DLGAP5: variants seen among roughly 807,000 people sequenced by gnomAD.
DLGAP5 encodes the protein DLG associated protein 5, also known as disks large-associated protein 5.
Under a neutral mutation model 99.6 loss-of-function variants are expected in DLGAP5, and 90 were observed. The observed-to-expected ratio is 0.90, with a 90% CI of 0.76 to 1.08. The LOEUF (loss-of-function observed/expected upper bound fraction) is 1.08. Among genes scored for constraint, DLGAP5 ranks in the 50% least tolerant of loss-of-function variants. The probability of loss-of-function intolerance (pLI) is 0.00; values close to 1 mark genes in which losing one functional copy is unlikely to be tolerated. For missense variants in DLGAP5, 1,036 were observed against 983.5 expected (o/e 1.05, Z -0.71); for synonymous variants, 311 against 321.3 (o/e 0.97, Z 0.34).
At chr14:55,162,923 T>C (rs1015678274) in intron 13 of DLGAP5, 48 bp downstream of exon 13, 1 of 988,542 alleles carries the variant, frequency 1.0e-6, no homozygotes. Context: ...TGTATAACAG[T>C]TCCTTAACTA....
At chr14:55,150,731 G>C in intron 18 of DLGAP5, 68 bp downstream of exon 18, 3 of 1,193,028 alleles carry the variant, frequency 2.5e-6, no homozygotes, top group Non-Finnish European at 3.5e-6. Context: ...TACACAAATA[G>C]AAAAGCAATA....
chr14:55,149,069 A>G (rs1412519816), intron 18 of DLGAP5, among the ~76,000 whole-genome samples: 2 of 152,242 alleles, frequency 1.3e-5, no homozygotes, highest in African/African-American at 4.8e-5. Flanking sequence ...TAAAATAGAC[A>G]TCTAAATACT....
At chr14:55,188,795 AAAAAAAGGAAAAAGACC>A in intron 2 of DLGAP5, 130 bp downstream of exon 2, 1 of 615,516 alleles carries the variant, frequency 1.6e-6, no homozygotes, top group African/African-American at 1.9e-5. Flanking sequence ...AAAAAAAAAA[AAAAAAAGGAAAAAGACC>A]AAAAAGGAAA....
At chr14:55,164,150 T>TC (rs1882550436) in intron 12 of DLGAP5, among the ~76,000 whole-genome samples, 1 of 152,090 alleles carries the variant, frequency 6.6e-6, no homozygotes, top group Non-Finnish European at 1.5e-5. Flanking sequence ...TACACACATA[T>TC]CCTCTTAGCT....
chr14:55,189,424 C>G (rs1883536500), intron 1 of DLGAP5, among the ~76,000 whole-genome samples: 1 of 151,328 alleles, frequency 6.6e-6, no homozygotes, highest in African/African-American at 2.4e-5. Context: ...AGTGATAGTC[C>G]AGAATAAAAG....
At chr14:55,185,181 A>G (rs1883391115) in intron 2 of DLGAP5, among the ~76,000 whole-genome samples, 1 of 152,134 alleles carries the variant, frequency 6.6e-6, no homozygotes, top group Admixed American at 6.6e-5. Flanking sequence ...AGTTACCTGT[A>G]TCTCTACTAT....
At chr14:55,188,888 C>A (rs904086667) in intron 2 of DLGAP5, 54 bp downstream of exon 2, 20 of 1,412,496 alleles carry the variant, frequency 1.4e-5, no homozygotes, top group Non-Finnish European at 1.9e-5. Context: ...AGGCATTAAA[C>A]CAACTATTAT....
At chr14:55,153,784 A>G (rs1882105929) in intron 15 of DLGAP5, among the ~76,000 whole-genome samples, 1 of 151,718 alleles carries the variant, frequency 6.6e-6, no homozygotes, top group African/African-American at 2.4e-5. Flanking sequence ...TAGGCCGGGC[A>G]TGGTGGCTCA....
At chr14:55,167,494 C>T (rs1021334276) in intron 12 of DLGAP5, among the ~76,000 whole-genome samples, 5 of 152,270 alleles carry the variant, frequency 3.3e-5, no homozygotes, top group East Asian at 3.9e-4. Flanking sequence ...TTCCTCACAA[C>T]GTTTTCTTTA....
At chr14:55,168,570 A>G (rs186055438) in intron 12 of DLGAP5, among the ~76,000 whole-genome samples, 1 of 152,280 alleles carries the variant, frequency 6.6e-6, no homozygotes, top group Admixed American at 6.5e-5. Flanking sequence ...CGCTAGAGTC[A>G]TCTTCCCCCA....
intron 14 of DLGAP5, 152 bp from the exon 15 acceptor site, chr14:55,154,958 G>C (rs913142137): frequency 1.5e-6 from 1 of 658,660 alleles, no homozygotes; most frequent in Non-Finnish European, 2.6e-6. Flanking sequence ...GTTAAAGATA[G>C]TATTTAAATG....
At position 55,158,581 on chromosome 14, in the gene DLGAP5, T is replaced by C; in HGVS notation, c.1814A>G (p.Asp605Gly). 2 of 1,614,178 alleles carry C rather than the reference T, an allele frequency of 1.2e-6. No homozygotes were observed. Among genetic ancestry groups the C allele is most frequent in the Non-Finnish European group, 1.7e-6 (2 of 1,180,026 alleles). ...TAVSVIPKEV[D>G]KIVFDAGFFR... is the part of the protein sequence containing the mutation. ...AAATCCAGCATCGAACACTATTTTA[T>C]CAACTTCCTTTGGTATCACAGAAAC... Residue 605 changes from aspartate (D) to glycine (G), a missense_variant, in exon 14 of 19, where the codon GAT (aspartate) becomes GGT (glycine). Coordinates refer to ENST00000247191, the MANE Select transcript of DLGAP5 (RefSeq NM_014750.5).
chr14:55,158,367 C>T (rs1050558464), intron 14 of DLGAP5, among the ~76,000 whole-genome samples, 155 bp downstream of exon 14: 1 of 152,098 alleles, frequency 6.6e-6, no homozygotes, highest in Non-Finnish European at 1.5e-5. Context: ...TGTTTGTGAG[C>T]GAGCATAGTC....
intron 10 of DLGAP5, among the ~76,000 whole-genome samples, chr14:55,174,333 A>G (rs1291577764): frequency 1.3e-5 from 2 of 152,200 alleles, no homozygotes; most frequent in Non-Finnish European, 2.9e-5. Flanking sequence ...GATGTTATCA[A>G]TGACAATGGT....
chr14:55,151,482 C>T lies in DLGAP5; in HGVS notation c.2368+213G>A, dbSNP rs144438526. 2.1e-4 allele frequency among the ~76,000 whole-genome samples: 31 copies of T among 150,328 alleles called. No individual in the cohort carries two copies. The East Asian group carries it at 4.9e-3, about 24-fold the overall frequency. On this transcript the variant is annotated intron_variant, in intron 17 of 18. Coordinates refer to ENST00000247191, the MANE Select transcript of DLGAP5 (RefSeq NM_014750.5). ...GAGGTTGCAGTGAGCTGAGATCACA[C>T]GACTACACTCCAGCCTGGGCAACAG...
intron 2 of DLGAP5, 104 bp downstream of exon 2, chr14:55,188,838 G>T: frequency 1.4e-6 from 1 of 711,320 alleles, no homozygotes; most frequent in Non-Finnish European, 2.3e-6. Flanking sequence ...TTATAGAATG[G>T]TATTTCAAAA....
chr14:55,179,723 T>C (rs1228913437), intron 6 of DLGAP5, 24 bp from the exon 7 acceptor site: 5 of 1,576,012 alleles, frequency 3.2e-6, no homozygotes, highest in Non-Finnish European at 4.3e-6. Context: ...AAAATATTTA[T>C]TTTACTAGAT....
chr14:55,174,217 T>C (rs1882975512), intron 10 of DLGAP5, among the ~76,000 whole-genome samples: 1 of 152,088 alleles, frequency 6.6e-6, no homozygotes, highest in Non-Finnish European at 1.5e-5. Context: ...AGGGGTGAAA[T>C]AGACCCCAGT....
At chr14:55,184,088 G>T (rs1369174620) in intron 2 of DLGAP5, among the ~76,000 whole-genome samples, 1 of 152,020 alleles carries the variant, frequency 6.6e-6, no homozygotes, top group Non-Finnish European at 1.5e-5. Context: ...AGGAGATGGA[G>T]GTTGCAGTGA....
Sources: gnomAD v4.1 joint callset for allele counts (sites outside exome capture counted in the v4.1 genomes callset) on GRCh38, gnomAD v4.1.1 for gene constraint, MANE v1.5 for transcripts, NCBI Gene and HGNC (gene_info 2026-07-23, HGNC 2026-07-21) for gene names.